Variants in STARD13 observed in about 807,000 individuals in gnomAD.
STARD13 encodes the protein StAR related lipid transfer domain containing 13, also known as stAR-related lipid transfer protein 13.
A neutral mutation model predicts 106.4 loss-of-function variants in STARD13; 62 were observed. The ratio of observed to expected loss-of-function variants is 0.58; its 90% CI spans 0.48 to 0.72. The LOEUF (loss-of-function observed/expected upper bound fraction) is 0.72, where lower values mean the gene tolerates loss of function less well. Ranked by LOEUF, STARD13 falls within the 30% of genes least tolerant of loss-of-function variation. The probability of loss-of-function intolerance (pLI) is 0.00; values close to 1 mark genes in which losing one functional copy is unlikely to be tolerated. For synonymous variants in STARD13, 565 were observed against 553.0 expected (o/e 1.02, Z -0.31); for missense variants, 1,387 against 1,424.0 (o/e 0.97, Z 0.42).
At chr13:33,244,989 A>G (rs539354616) in intron 1 of STARD13, among the ~76,000 whole-genome samples, 4 of 152,364 alleles carry the variant, frequency 2.6e-5, no homozygotes, top group Non-Finnish European at 4.4e-5. Flanking sequence ...GAAGTGAGGA[A>G]GAAAGAATCT....
chr13:33,495,258 A>G, the STARD13 span, among the ~76,000 whole-genome samples: 1 of 152,224 alleles, frequency 6.6e-6, no homozygotes, highest in African/African-American at 2.4e-5. Context: ...CTATCACATT[A>G]GGTTTTCTTA....
At chr13:33,596,466 G>A in the STARD13 span, among the ~76,000 whole-genome samples, 3 of 152,148 alleles carry the variant, frequency 2.0e-5, no homozygotes, top group Non-Finnish European at 4.4e-5. Flanking sequence ...TACGTGTGAT[G>A]TTTTGATATA....
downstream of STARD13, among the ~76,000 whole-genome samples, chr13:33,343,611 C>T (rs544230116): frequency 0.01 from 1,346 of 129,614 alleles, 41 homozygotes; most frequent in African/African-American, 0.037. Flanking sequence ...ATCTACAAAT[C>T]TAGTAGTCCC....
At chr13:33,669,317 C>G in the STARD13 span, among the ~76,000 whole-genome samples, 3 of 152,156 alleles carry the variant, frequency 2.0e-5, no homozygotes, top group East Asian at 3.8e-4. Context: ...CTGTCCAGGA[C>G]AGACAGAAGA....
At chr13:33,477,101 T>C in the STARD13 span, among the ~76,000 whole-genome samples, 3 of 152,222 alleles carry the variant, frequency 2.0e-5, no homozygotes, top group African/African-American at 4.8e-5. Flanking sequence ...AGCTGACAAA[T>C]TAAGAAATGT....
At chr13:33,567,012 C>A in the STARD13 span, among the ~76,000 whole-genome samples, 15 of 148,178 alleles carry the variant, frequency 1.0e-4, 2 homozygotes, top group African/African-American at 3.5e-4. Flanking sequence ...ACAGCATGCC[C>A]TTCTAATATT....
At chr13:33,411,658 A>G in the STARD13 span, among the ~76,000 whole-genome samples, 2 of 152,300 alleles carry the variant, frequency 1.3e-5, no homozygotes, top group East Asian at 1.9e-4. Context: ...ATAAAGAAGT[A>G]CTGATCTTTT....
intron 1 of STARD13, among the ~76,000 whole-genome samples, chr13:33,174,623 T>C (rs930095898): frequency 2.0e-5 from 3 of 152,198 alleles, no homozygotes; most frequent in Non-Finnish European, 4.4e-5. Context: ...GCTGCTGACA[T>C]GTAATATAAG....
chr13:33,192,232 C>A (rs1482921386), intron 1 of STARD13, among the ~76,000 whole-genome samples: 1 of 152,212 alleles, frequency 6.6e-6, no homozygotes, highest in Non-Finnish European at 1.5e-5. Context: ...GCAGTACTTA[C>A]TAAACAGGGA....
chr13:33,487,382 G>A, the STARD13 span, among the ~76,000 whole-genome samples: 5 of 151,974 alleles, frequency 3.3e-5, no homozygotes, highest in Non-Finnish European at 5.9e-5. Flanking sequence ...ACATAGACAC[G>A]GAAAAGAATC....
At chr13:33,533,123 T>A in the STARD13 span, among the ~76,000 whole-genome samples, 1 of 152,282 alleles carries the variant, frequency 6.6e-6, no homozygotes, top group African/African-American at 2.4e-5. Context: ...ACTTTTAGTG[T>A]CAATCAAAGC....
chr13:33,224,846 T>C (rs1888539058), intron 1 of STARD13, among the ~76,000 whole-genome samples: 1 of 152,176 alleles, frequency 6.6e-6, no homozygotes, highest in Non-Finnish European at 1.5e-5. Context: ...TTTGTACATT[T>C]TCCTCTCGTA....
chr13:33,160,818 T>A (rs1882530192), intron 3 of STARD13, among the ~76,000 whole-genome samples: 2 of 152,224 alleles, frequency 1.3e-5, no homozygotes, highest in Non-Finnish European at 2.9e-5. Context: ...ACATTGTCAA[T>A]GGCAGTACAA....
At chr13:33,516,883 G>C in the STARD13 span, among the ~76,000 whole-genome samples, 1 of 149,460 alleles carries the variant, frequency 6.7e-6, no homozygotes, top group Non-Finnish European at 1.5e-5. Context: ...CGAGGTTGTA[G>C]TGAGCTATGA....
chr13:33,234,638 T>A (rs1033817894), intron 1 of STARD13, among the ~76,000 whole-genome samples: 2 of 152,344 alleles, frequency 1.3e-5, no homozygotes, highest in East Asian at 3.9e-4. Context: ...GCAAAAATAC[T>A]GTGATTTTAG....
chr13:33,164,125 T>G (rs1043769872), intron 3 of STARD13: 2 of 152,198 alleles, frequency 1.3e-5, no homozygotes, highest in African/African-American at 4.8e-5. Flanking sequence ...TCATTTATGA[T>G]TTGAGGAGTT....
the STARD13 span, chr13:33,524,181 G>A: frequency 5.5e-5 from 56 of 1,015,766 alleles, no homozygotes; most frequent in Middle Eastern, 2.5e-4. Context: ...GAATTACACC[G>A]TATGAACAGG....
the STARD13 span, among the ~76,000 whole-genome samples, chr13:33,664,634 T>TTTTTA: frequency 2.0e-5 from 3 of 152,216 alleles, no homozygotes; most frequent in Non-Finnish European, 4.4e-5. Flanking sequence ...CTATTGACTC[T>TTTTTA]TTTATTTATT....
rs566608695 is a variant in STARD13, at chr13:33,254,019, C to A, written c.169+31451G>T. On this transcript the variant is annotated intron_variant, in intron 1 of 13. Transcript: ENST00000336934. ...ATTGAATATATGCACTATTGGGATG[C>A]ACAGTCTGACACACACAGGGTGATC... 1.2e-3 allele frequency among the ~76,000 whole-genome samples: 189 copies of A among 152,320 alleles called. 1 individual carries two copies. Among genetic ancestry groups the A allele is most frequent in the African/African-American group, 4.3e-3 (178 of 41,572 alleles).
Sources: gnomAD v4.1 joint callset for allele counts (sites outside exome capture counted in the v4.1 genomes callset) on GRCh38, gnomAD v4.1.1 for gene constraint, MANE v1.5 for transcripts, NCBI Gene and HGNC (gene_info 2026-07-23, HGNC 2026-07-21) for gene names.